Variants in HTR1E observed in about 807,000 individuals in gnomAD.
The protein encoded by HTR1E is 5-HT-1E.
In HTR1E, 3 loss-of-function variants were observed where a neutral mutation model predicts 3.4. That is an observed-to-expected ratio of 0.89 (90% CI 0.41 to 2.31). The LOEUF is 2.31. Ranked by LOEUF, HTR1E falls within the 30% of genes most tolerant of loss-of-function variation. HTR1E has a pLI of 0.05. For missense variants in HTR1E, 392 were observed against 467.0 expected (o/e 0.84, Z 1.48); for synonymous variants, 170 against 182.8 (o/e 0.93, Z 0.56).
intron 1 of HTR1E, among the ~76,000 whole-genome samples, chr6:87,001,534 C>T (rs1339832940): frequency 6.6e-6 from 1 of 152,154 alleles, no homozygotes; most frequent in Non-Finnish European, 1.5e-5. Flanking sequence ...TTGGGTGCTG[C>T]AGCCAAGGAG....
Position 86,980,527 on chromosome 6 carries a change from T to C in HTR1E, c.-185-34623T>C, listed in dbSNP as rs574938018. On this transcript the variant is annotated intron_variant, in intron 1 of 1. Coordinates refer to ENST00000305344, the MANE Select transcript of HTR1E (RefSeq NM_000865.3). ...AGGGACTCTCAATAAGAAATAGAGATATTTAGTTCCACAGTAGCTCTGATA... is the reference window on the plus strand; with the variant it reads ...AGGGACTCTCAATAAGAAATAGAGACATTTAGTTCCACAGTAGCTCTGATA... Among the ~76,000 whole-genome samples, 6 of 152,148 alleles carry C rather than the reference T, an allele frequency of 3.9e-5. No individual in the cohort carries two copies. In the East Asian group the frequency reaches 1.2e-3, roughly 29 times the overall value.
chr6:86,962,303 CT>C (rs1470003570), intron 1 of HTR1E, among the ~76,000 whole-genome samples: 2 of 152,140 alleles, frequency 1.3e-5, no homozygotes, highest in African/African-American at 4.8e-5. Context: ...ATCTTATCAG[CT>C]ATTTGAGAAT....
intron 1 of HTR1E, among the ~76,000 whole-genome samples, chr6:87,008,852 T>C (rs1351225980): frequency 1.3e-5 from 2 of 152,152 alleles, no homozygotes; most frequent in Non-Finnish European, 2.9e-5. Flanking sequence ...GATCAAGAAG[T>C]ATAACTTGAC....
chr6:86,953,524 T>C lies in HTR1E; in HGVS notation c.-186+15701T>C, dbSNP rs80107399. Among the ~76,000 whole-genome samples the C allele has an allele frequency of 8.5e-3, 1,287 of 152,252 alleles. 21 individuals are homozygous for C. The highest frequency in any genetic ancestry group is 0.03 in the African/African-American group (1,230 of 41,546). ...TCAGTGGTTAGAAGGGACTAGGCCA[T>C]GTGGCTCTCAACATCCGGGATGCTA... On this transcript the variant is annotated intron_variant, in intron 1 of 1. Transcript: ENST00000305344.
intron 1 of HTR1E, among the ~76,000 whole-genome samples, chr6:86,938,399 G>A (rs1323353873): frequency 6.6e-6 from 1 of 152,100 alleles, no homozygotes; most frequent in African/African-American, 2.4e-5. Flanking sequence ...AATCTTGGAA[G>A]TAAGAGTTAA....
chr6:86,965,178 G>A (rs979932886), intron 1 of HTR1E, among the ~76,000 whole-genome samples: 10 of 152,110 alleles, frequency 6.6e-5, no homozygotes, highest in African/African-American at 2.2e-4. Context: ...GGGCTCCTCC[G>A]TCCATCCTGG....
intron 1 of HTR1E, among the ~76,000 whole-genome samples, chr6:86,962,744 G>A (rs939802830): frequency 6.6e-6 from 1 of 152,068 alleles, no homozygotes; most frequent in Non-Finnish European, 1.5e-5. Flanking sequence ...AGGCTGAGGT[G>A]GGAGAATCAC....
intron 1 of HTR1E, among the ~76,000 whole-genome samples, chr6:86,973,298 CTGTGTGTGTGTGTG>C (rs3043129): frequency 1.3e-5 from 2 of 149,492 alleles, no homozygotes; most frequent in Admixed American, 6.7e-5. Context: ...AAGGCAGTGG[CTGTGTGTGTGTGTG>C]TGTGTGTGTG....
In HTR1E at chr6:86,960,671, C is replaced by T. The variant is rs138257186; in HGVS notation, c.-186+22848C>T. On this transcript the variant is annotated intron_variant, in intron 1 of 1. Coordinates refer to ENST00000305344, the MANE Select transcript of HTR1E (RefSeq NM_000865.3). ...AATGAAAGAAAGGCTGAGCTAGGCA[C>T]GGAGAACCTGAATTCTAGATTTTAA... Among the ~76,000 whole-genome samples, 6 of 152,270 alleles carry T rather than the reference C, an allele frequency of 3.9e-5. No individual in the cohort carries two copies. The East Asian group carries it at 7.7e-4, about 20-fold the overall frequency.
intron 1 of HTR1E, among the ~76,000 whole-genome samples, chr6:86,995,292 T>TAATAAATAAATAAATAAATA (rs71014980): frequency 7.6e-4 from 109 of 144,132 alleles, no homozygotes; most frequent in African/African-American, 2.5e-3. Flanking sequence ...CTCTATAATA[T>TAATAAATAAATAAATAAATA]AATAAATAAA....
At chr6:86,955,731 A>AGT (rs200915143) in intron 1 of HTR1E, among the ~76,000 whole-genome samples, 15,759 of 151,588 alleles carry the variant, frequency 0.1, 885 homozygotes, top group Middle Eastern at 0.13. Flanking sequence ...AGTGAGAGAG[A>AGT]GTGTGTGTGT....
At chr6:86,973,832 T>G (rs1280231194) in intron 1 of HTR1E, among the ~76,000 whole-genome samples, 1 of 152,194 alleles carries the variant, frequency 6.6e-6, no homozygotes. Context: ...TCTGCTGTAG[T>G]TTCCCTTTCT....
intron 1 of HTR1E, among the ~76,000 whole-genome samples, chr6:86,957,783 G>A (rs1162656341): frequency 6.6e-6 from 1 of 152,134 alleles, no homozygotes; most frequent in African/African-American, 2.4e-5. Context: ...TGGAAAAAAA[G>A]GGCACAGTAA....
chr6:86,961,905 A>G (rs1767413145), intron 1 of HTR1E, among the ~76,000 whole-genome samples: 1 of 152,218 alleles, frequency 6.6e-6, no homozygotes, highest in Non-Finnish European at 1.5e-5. Context: ...TCATCTGAGT[A>G]ATCCCTTTTA....
intron 1 of HTR1E, among the ~76,000 whole-genome samples, chr6:86,955,482 T>C (rs188102877): frequency 1.3e-5 from 2 of 152,172 alleles, no homozygotes; most frequent in African/African-American, 4.8e-5. Flanking sequence ...ACCTTGGAAA[T>C]GTAGGTGACC....
chr6:87,009,920 G>A (rs1768181536), intron 1 of HTR1E, among the ~76,000 whole-genome samples: 1 of 124,844 alleles, frequency 8.0e-6, no homozygotes. Flanking sequence ...GGGGCGGCTG[G>A]CCGGGCAGAG....
At chr6:86,996,173 C>G (rs1767937529) in intron 1 of HTR1E, among the ~76,000 whole-genome samples, 1 of 152,188 alleles carries the variant, frequency 6.6e-6, no homozygotes, top group African/African-American at 2.4e-5. Context: ...AATAATCATT[C>G]TTTTCAAGGC....
chr6:86,949,047 C>A (rs1767174100), intron 1 of HTR1E, among the ~76,000 whole-genome samples: 1 of 152,152 alleles, frequency 6.6e-6, no homozygotes, highest in Non-Finnish European at 1.5e-5. Flanking sequence ...CTCACTTATG[C>A]CAATTTAAGA....
chr6:86,941,118 T>C lies in HTR1E; in HGVS notation c.-186+3295T>C, dbSNP rs141374071. Among the ~76,000 whole-genome samples, 76 of 152,346 alleles carry C rather than the reference T, an allele frequency of 5.0e-4. 1 individual carries two copies. Among genetic ancestry groups the C allele is most frequent in the African/African-American group, 1.8e-3 (73 of 41,574 alleles). On this transcript the variant is annotated intron_variant, in intron 1 of 1. Transcript: ENST00000305344. The stretch of plus-strand genomic sequence containing the variant: ...CCTGAATCATTTTCTAGAACCAGTA[T>C]TGTGGCCCCTAAAATTTGGGGCTTA...
Sources: allele counts gnomAD v4.1 joint callset (sites outside exome capture counted in the v4.1 genomes callset), GRCh38; gene constraint gnomAD v4.1.1; transcripts MANE v1.5; gene names NCBI Gene and HGNC (gene_info 2026-07-23, HGNC 2026-07-21).